Variants in RIMKLB observed in about 807,000 individuals in gnomAD.
The protein encoded by RIMKLB is beta-citrylglutamate synthase B.
Under a neutral mutation model 32.0 loss-of-function variants are expected in RIMKLB, and 7 were observed. The observed-to-expected ratio is 0.22, with a 90% CI of 0.12 to 0.41. The LOEUF is 0.41. RIMKLB is among the 10% of genes least tolerant of loss of function. The pLI is 1.00. For synonymous variants in RIMKLB, 172 were observed against 185.1 expected, an observed-to-expected ratio of 0.93 and a Z score of 0.57; for missense variants, 289 against 498.7, an observed-to-expected ratio of 0.58 and a Z score of 4.00.
intron 1 of RIMKLB, among the ~76,000 whole-genome samples, chr12:8,687,954 G>A (rs1371134051): frequency 6.6e-6 from 1 of 152,132 alleles, no homozygotes; most frequent in Non-Finnish European, 1.5e-5. Flanking sequence ...AAGGAGGGGA[G>A]TCATTGCCAG....
rs537981734 is a variant in RIMKLB at position 8,761,491 on chromosome 12, C to T, written c.697+7398C>T. On this transcript the variant is annotated intron_variant, in intron 5 of 5. Coordinates refer to ENST00000535829, the MANE Select transcript of RIMKLB (RefSeq NM_001297776.2). ...ACCCAAAGGGGATTGTCGCTCCCTG[C>T]TCAAATGCCTGGGGTTTATATACCG... Among the ~76,000 whole-genome samples the T allele has an allele frequency of 2.1e-4, 32 of 152,190 alleles. No individual in the cohort carries two copies. In the South Asian group the frequency reaches 6.4e-3, roughly 31 times the overall value.
At chr12:8,727,631 ACC>A (rs1946152029) in intron 2 of RIMKLB, among the ~76,000 whole-genome samples, 2 of 152,092 alleles carry the variant, frequency 1.3e-5, no homozygotes, top group African/African-American at 4.8e-5. Flanking sequence ...TTTTGGCCGG[ACC>A]TTGTTGGCTC....
upstream of RIMKLB, among the ~76,000 whole-genome samples, chr12:8,694,387 ATTTTTTTTCTT>A (rs1942825634): frequency 8.4e-6 from 1 of 119,078 alleles, no homozygotes. Context: ...ATCCTGTTGA[ATTTTTTTTCTT>A]TTTTTTTTTT....
In RIMKLB at chr12:8,719,094, A is replaced by T. The variant is rs746481835; in HGVS notation, c.175+5053A>T. On this transcript the variant is annotated intron_variant, in intron 2 of 5. Coordinates refer to ENST00000535829, the MANE Select transcript of RIMKLB (RefSeq NM_001297776.2). ...CCCTCTCACCCATCTCTTGACAACCACTGACCCTCTGACTGTCTCCACAGT... is the reference window on the plus strand; with the variant it reads ...CCCTCTCACCCATCTCTTGACAACCTCTGACCCTCTGACTGTCTCCACAGT... 2.0e-5 allele frequency among the ~76,000 whole-genome samples: 3 copies of T among 151,944 alleles called. No homozygotes were observed. The East Asian group carries it at 5.8e-4, about 29-fold the overall frequency.
At chr12:8,728,692 A>G (rs1234316830) in intron 2 of RIMKLB, among the ~76,000 whole-genome samples, 1 of 151,628 alleles carries the variant, frequency 6.6e-6, no homozygotes, top group Non-Finnish European at 1.5e-5. Context: ...GCTCACTGCA[A>G]CCTCCACATC....
intron 2 of RIMKLB, among the ~76,000 whole-genome samples, chr12:8,725,715 G>A (rs796573578): frequency 6.6e-5 from 10 of 152,328 alleles, no homozygotes; most frequent in African/African-American, 2.4e-4. Context: ...CTATGTTCAG[G>A]TATGTGTGGG....
downstream of RIMKLB, chr12:8,777,202 G>A (rs1262046426): frequency 1.0e-5 from 9 of 881,324 alleles, no homozygotes; most frequent in Admixed American, 5.6e-4. Context: ...TTCACTGACT[G>A]CTTGCTTGCT....
Position 8,775,778 on chromosome 12 carries a change from T to C in RIMKLB, c.*1994T>C. On this transcript the variant is annotated 3_prime_UTR_variant, in exon 6 of 6. Coordinates refer to ENST00000535829, the MANE Select transcript of RIMKLB (RefSeq NM_001297776.2). ...TAGTACCTCTCATCTGTGCAGTGTC[T>C]CATTTCACCTCAGAGAAAAGGATAC... The C allele has an allele frequency of 6.1e-6, 6 of 985,402 alleles. No individual in the cohort carries two copies. Among genetic ancestry groups the C allele is most frequent in the African/African-American group, 1.7e-5 (1 of 57,356 alleles). 61.0% of individuals were successfully genotyped at this position (985,402 alleles called of 1,614,324 possible). A position where few individuals can be genotyped will look rare whatever the true frequency, so the allele number is the denominator to read the frequency against.
At chr12:8,736,569 GCA>G (rs1848808806) in intron 2 of RIMKLB, among the ~76,000 whole-genome samples, 1 of 146,326 alleles carries the variant, frequency 6.8e-6, no homozygotes, top group East Asian at 2.0e-4. Context: ...AGGCTGGAGT[GCA>G]GTGGTGTGAT....
chr12:8,687,183 T>TA (rs1209162785), intron 1 of RIMKLB, among the ~76,000 whole-genome samples: 3 of 152,202 alleles, frequency 2.0e-5, no homozygotes, highest in African/African-American at 7.2e-5. Flanking sequence ...ACAATATAAT[T>TA]TTTTTAGTAT....
chr12:8,752,049 T>C lies in RIMKLB; in HGVS notation c.493+6T>C. The C allele has an allele frequency of 6.4e-7, 1 of 1,558,594 alleles. No homozygotes were observed. Among genetic ancestry groups the C allele is most frequent in the Non-Finnish European group, 8.8e-7 (1 of 1,130,100 alleles). On this transcript the variant is annotated splice_donor_region_variant and intron_variant, in intron 4 of 5. Transcript: ENST00000535829. ...GAATACGCGGGGTCACAGAGGTATG[T>C]ATGAGTTGTTGGTAAGGTATATAGT...
Position 8,754,039 on chromosome 12 carries a change from G to A in RIMKLB, c.643G>A (p.Gly215Ser). 1 of 1,614,040 alleles carries A rather than the reference G, an allele frequency of 6.2e-7. No homozygotes were observed. Among genetic ancestry groups the A allele is most frequent in the Non-Finnish European group, 8.5e-7 (1 of 1,179,948 alleles). The change falls in exon 5 of 6, where the codon GGC becomes AGC. Residue 215 changes from glycine to serine, a missense_variant. Around this residue, in one of 3 missense-constraint regions of RIMKLB, gnomAD observed 156 missense variants for 329.5 expected, o/e 0.47. Coordinates refer to ENST00000535829, the MANE Select transcript of RIMKLB (RefSeq NM_001297776.2). Reference protein sequence around the residue: ...RVIVVGGRVVGTMLRCSTDGR... With the variant: ...RVIVVGGRVVSTMLRCSTDGR... ...CATTGTCGTGGGAGGCCGTGTGGTT[G>A]GCACCATGTTACGTTGTTCAACAGA...
At chr12:8,733,770 C>G (rs767758790) in intron 2 of RIMKLB, among the ~76,000 whole-genome samples, 3 of 152,260 alleles carry the variant, frequency 2.0e-5, no homozygotes, top group South Asian at 2.1e-4. Flanking sequence ...GTAGTCCTAG[C>G]TACTCGGAGA....
At position 8,718,659 on chromosome 12, in the gene RIMKLB, A is replaced by ATGTG. The variant is rs1213938637; in HGVS notation, c.175+4619_175+4620insGTGT. ...TCCGTCTCTCTCTCTCTCTCTATAT[A>ATGTG]TATATATATATGTGTGTGTGTGTGT... On this transcript the variant is annotated intron_variant, in intron 2 of 5. Coordinates refer to ENST00000535829, the MANE Select transcript of RIMKLB (RefSeq NM_001297776.2). Among the ~76,000 whole-genome samples, 239 of 119,372 alleles carry ATGTG rather than the reference A, an allele frequency of 2.0e-3. 1 individual carries two copies. Among genetic ancestry groups the ATGTG allele is most frequent in the African/African-American group, 7.2e-3 (223 of 30,862 alleles). 78.3% of individuals were successfully genotyped at this position (119,372 alleles called of 152,430 possible). A position where few individuals can be genotyped will look rare whatever the true frequency, so the allele number is the denominator to read the frequency against.
At chr12:8,687,820 G>GAAAA (rs752174507) in intron 1 of RIMKLB, among the ~76,000 whole-genome samples, 216 of 72,516 alleles carry the variant, frequency 3.0e-3, no homozygotes, top group African/African-American at 0.011. Flanking sequence ...AAGTCAGGAA[G>GAAAA]AAAAAAAAAA....
intron 5 of RIMKLB, among the ~76,000 whole-genome samples, chr12:8,760,636 G>C (rs1022627451): frequency 5.9e-5 from 9 of 151,624 alleles, no homozygotes; most frequent in East Asian, 1.9e-4. Context: ...GATCGCCATT[G>C]TAACTGGTGT....
At chr12:8,745,770 G>T (rs927586994) in intron 2 of RIMKLB, among the ~76,000 whole-genome samples, 14 of 146,732 alleles carry the variant, frequency 9.5e-5, no homozygotes, top group African/African-American at 3.6e-4. Context: ...TCTCAGCTCA[G>T]TGCAACCTCT....
At chr12:8,734,272 T>C (rs912002755) in intron 2 of RIMKLB, among the ~76,000 whole-genome samples, 16 of 152,276 alleles carry the variant, frequency 1.1e-4, no homozygotes, top group African/African-American at 3.6e-4. Context: ...TTCAGAAATA[T>C]AAGGGTTTGA....
At chr12:8,694,501 C>T (rs1380093693), upstream of RIMKLB, among the ~76,000 whole-genome samples, 1 of 145,004 alleles carries the variant, frequency 6.9e-6, no homozygotes, top group Non-Finnish European at 1.5e-5. Flanking sequence ...TTCAAAAATT[C>T]TCCTGCTTCA....
Sources: allele counts gnomAD v4.1 joint callset (sites outside exome capture counted in the v4.1 genomes callset), GRCh38; gene constraint gnomAD v4.1.1; regional missense constraint gnomAD v4.1.1; transcripts MANE v1.5; gene names NCBI Gene and HGNC (gene_info 2026-07-23, HGNC 2026-07-21).